The following ACACA variants were observed in gnomAD, a reference collection of about 807,000 sequenced individuals.
ACACA encodes acetyl-CoA carboxylase alpha.
Under a neutral mutation model 296.1 loss-of-function variants are expected in ACACA, and 103 were observed. The observed-to-expected ratio is 0.35, with a 90% CI of 0.30 to 0.41. ACACA has a LOEUF of 0.41. Among genes scored for constraint, ACACA ranks in the 10% least tolerant of loss-of-function variants. The pLI is 1.00. For synonymous variants in ACACA, 953 were observed against 1,038.6 expected (o/e 0.92, Z 1.58); for missense variants, 1,554 against 2,989.7 (o/e 0.52, Z 11.20).
chr17:37,258,473 T>A, intron 12 of ACACA, 100 bp from the exon 13 acceptor site: 15 of 1,125,444 alleles, frequency 1.3e-5, no homozygotes, highest in Non-Finnish European at 2.0e-5. Flanking sequence ...TTGGAGCCAC[T>A]CCCTAAAACA....
chr17:37,121,057 A>G (rs555697810), intron 50 of ACACA, among the ~76,000 whole-genome samples: 3 of 152,332 alleles, frequency 2.0e-5, no homozygotes, highest in Admixed American at 1.3e-4. Context: ...CAGAGTCACA[A>G]TCATATTTCC....
At chr17:37,270,273 A>G (rs2082010343) in intron 10 of ACACA, among the ~76,000 whole-genome samples, 1 of 152,218 alleles carries the variant, frequency 6.6e-6, no homozygotes, top group Admixed American at 6.5e-5. Context: ...AGAAACTCAG[A>G]GGTCTCTAGG....
intron 1 of ACACA, among the ~76,000 whole-genome samples, chr17:37,340,273 G>C (rs2048324024): frequency 6.6e-6 from 1 of 152,210 alleles, no homozygotes; most frequent in South Asian, 2.1e-4. Context: ...TGGGAGCCAG[G>C]TGGAAGACAG....
chr17:37,158,038 T>A (rs1309660889), intron 42 of ACACA, among the ~76,000 whole-genome samples: 2 of 152,150 alleles, frequency 1.3e-5, no homozygotes, highest in African/African-American at 4.8e-5. Flanking sequence ...TAAACATGAT[T>A]TACTGTTTAG....
intron 35 of ACACA, among the ~76,000 whole-genome samples, chr17:37,197,335 T>G (rs755842326): frequency 8.5e-5 from 13 of 152,210 alleles, no homozygotes; most frequent in Non-Finnish European, 1.9e-4. Flanking sequence ...ACAGCTTGCT[T>G]TATTCCACTA....
chr17:37,091,643 G>A (rs1410245655), intron 54 of ACACA, among the ~76,000 whole-genome samples: 3 of 152,078 alleles, frequency 2.0e-5, no homozygotes. Flanking sequence ...ACAGTGGCAT[G>A]ATCACAGCTC....
chr17:37,213,378 G>A, intron 29 of ACACA, among the ~76,000 whole-genome samples: 1 of 148,182 alleles, frequency 6.7e-6, no homozygotes. Flanking sequence ...AAGTAAAATT[G>A]CTCAATCTTT....
intron 52 of ACACA, among the ~76,000 whole-genome samples, chr17:37,106,752 G>T (rs996841709): frequency 2.0e-5 from 3 of 152,104 alleles, no homozygotes; most frequent in Non-Finnish European, 4.4e-5. Flanking sequence ...AGGATACGGG[G>T]ATCTGGTCAT....
At chr17:37,151,255 C>G (rs1443743855) in intron 44 of ACACA, 46 bp downstream of exon 44, 7 of 1,611,962 alleles carry the variant, frequency 4.3e-6, no homozygotes, top group Non-Finnish European at 5.9e-6. Flanking sequence ...ATAAACCTAG[C>G]CACACAGCCA....
intron 1 of ACACA, among the ~76,000 whole-genome samples, chr17:37,378,325 A>C (rs1285361817): frequency 6.6e-6 from 1 of 152,224 alleles, no homozygotes; most frequent in Non-Finnish European, 1.5e-5. Flanking sequence ...ATGAACACAA[A>C]CTGAAGAAGT....
At chr17:37,381,900 T>C (rs144890093) in intron 1 of ACACA, among the ~76,000 whole-genome samples, 3,919 of 152,264 alleles carry the variant, frequency 0.026, 143 homozygotes, top group African/African-American at 0.083. Context: ...GTGCTGGGAT[T>C]ACAGGCGTGA....
Position 37,379,405 on chromosome 17 carries a change from G to A in ACACA, c.38+26857C>T, listed in dbSNP as rs189474262. On this transcript the variant is annotated intron_variant, in intron 1 of 55. Transcript: ENST00000616317. ...AAGGTGAGATTGGAAAAGAGGAAGG[G>A]GGCAGGCACTAACTTTTAGTTGACA... The A allele has an allele frequency of 1.8e-5, 29 of 1,606,392 alleles. No individual in the cohort carries two copies. In the East Asian group the frequency reaches 5.8e-4, roughly 32 times the overall value.
intron 1 of ACACA, among the ~76,000 whole-genome samples, chr17:37,353,512 G>A (rs541075485): frequency 7.9e-5 from 12 of 151,684 alleles, no homozygotes; most frequent in African/African-American, 2.2e-4. Context: ...GGTGGTGTGC[G>A]CCTATAATCC....
At chr17:37,147,099 C>T (rs2075843253) in intron 45 of ACACA, among the ~76,000 whole-genome samples, 1 of 151,870 alleles carries the variant, frequency 6.6e-6, no homozygotes, top group African/African-American at 2.4e-5. Flanking sequence ...TATTCTTCAC[C>T]CCAATGTTTA....
intron 1 of ACACA, chr17:37,391,930 C>T: frequency 1.7e-6 from 1 of 579,084 alleles, no homozygotes; most frequent in Admixed American, 3.0e-5. Context: ...TAATTCACTT[C>T]ATACATCCAT....
intron 46 of ACACA, 34 bp from the exon 47 acceptor site, chr17:37,129,519 G>A (rs974973178): frequency 1.2e-6 from 2 of 1,613,156 alleles, no homozygotes; most frequent in Admixed American, 1.7e-5. Flanking sequence ...ACAGCAATCA[G>A]TGAACGACAG....
chr17:37,297,202 G>A (rs2083382562), intron 3 of ACACA, among the ~76,000 whole-genome samples: 1 of 151,504 alleles, frequency 6.6e-6, no homozygotes, highest in Non-Finnish European at 1.5e-5. Flanking sequence ...AGCACTTTGA[G>A]AGGCCAAGGC....
At position 37,339,922 on chromosome 17, in the gene ACACA, C is replaced by A; in HGVS notation, c.39-72G>T. The A allele has an allele frequency of 3.9e-6, 3 of 779,046 alleles. No homozygotes were observed. The South Asian group carries it at 4.6e-5, about 12-fold the overall frequency. The allele number at this position is 779,046 out of a possible 1,614,324, so 48.3% of individuals were successfully genotyped here. On this transcript the variant is annotated intron_variant, in intron 1 of 55. Transcript: ENST00000616317. ...AACTTTTGTCAATTCCTGTTTTGCT[C>A]AGCATAATACAAAGGTAATAATATA...
At chr17:37,381,718 C>G (rs1322207679) in intron 1 of ACACA, among the ~76,000 whole-genome samples, 1 of 150,036 alleles carries the variant, frequency 6.7e-6, no homozygotes, top group African/African-American at 2.5e-5. Context: ...AGCTCCGCCT[C>G]TCGGGTTCAC....
Sources: gnomAD v4.1 joint callset for allele counts (sites outside exome capture counted in the v4.1 genomes callset) on GRCh38, gnomAD v4.1.1 for gene constraint, MANE v1.5 for transcripts, NCBI Gene and HGNC (gene_info 2026-07-23, HGNC 2026-07-21) for gene names.